Variants in DLGAP2 observed in about 807,000 individuals in gnomAD.
DLGAP2 encodes the protein disks large-associated protein 2.
DLGAP2 carries 26 observed loss-of-function variants against 100.3 expected under a neutral mutation model. The observed-to-expected ratio is 0.26, with a 90% CI of 0.19 to 0.36. DLGAP2 has a LOEUF of 0.36. Among genes scored for constraint, DLGAP2 ranks in the 10% least tolerant of loss-of-function variants. DLGAP2 has a pLI of 1.00. For missense variants in DLGAP2, 1,858 were observed against 1,453.2 expected, an observed-to-expected ratio of 1.28 and a Z score of -4.53; for synonymous variants, 886 against 630.1, an observed-to-expected ratio of 1.41 and a Z score of -6.08.
intron 3 of DLGAP2, among the ~76,000 whole-genome samples, chr8:1,371,571 T>G (rs530995499): frequency 3.1e-4 from 47 of 152,246 alleles, no homozygotes; most frequent in Non-Finnish European, 5.6e-4. Flanking sequence ...ATCCTCTCAC[T>G]TCCCGTGACT....
At chr8:1,314,468 A>G (rs1340465599) in intron 3 of DLGAP2, among the ~76,000 whole-genome samples, 3 of 152,242 alleles carry the variant, frequency 2.0e-5, no homozygotes, top group Non-Finnish European at 4.4e-5. Flanking sequence ...CTGTGCTGTA[A>G]CAAAAGCATT....
rs77433980 is a variant in DLGAP2 at position 1,626,154 on chromosome 8, G to A, written c.1443-586G>A. Among the ~76,000 whole-genome samples the A allele has an allele frequency of 1.1e-3, 145 of 134,500 alleles. 2 individuals carry two copies. The highest frequency in any genetic ancestry group is 1.7e-3 in the South Asian group (7 of 4,008). 88.2% of individuals were successfully genotyped at this position (134,500 alleles called of 152,430 possible). A position where few individuals can be genotyped will look rare whatever the true frequency, so the allele number is the denominator to read the frequency against. ...CCTGTGGCGGGTGCTCAGCCTCTGG[G>A]TGTGGGTTGGACGGCTGTTCCCATC... On this transcript the variant is annotated intron_variant, in intron 6 of 14. Transcript: ENST00000637795.
chr8:1,202,032 C>CA (rs2116761002), intron 2 of DLGAP2, among the ~76,000 whole-genome samples: 2 of 146,482 alleles, frequency 1.4e-5, no homozygotes, highest in East Asian at 4.2e-4. Context: ...TACATGTGTG[C>CA]ACATGTGCAG....
intron 8 of DLGAP2, among the ~76,000 whole-genome samples, chr8:1,638,412 T>G (rs2130789198): frequency 6.6e-6 from 1 of 152,080 alleles, no homozygotes; most frequent in African/African-American, 2.4e-5. Context: ...GAGGCCTCAG[T>G]TTTCCCAGCG....
chr8:1,449,616 A>G (rs992062366), intron 3 of DLGAP2, among the ~76,000 whole-genome samples: 5 of 152,162 alleles, frequency 3.3e-5, no homozygotes, highest in Admixed American at 1.3e-4. Context: ...TGCATTCTGA[A>G]CGGGCAATGC....
intron 3 of DLGAP2, among the ~76,000 whole-genome samples, chr8:1,334,227 G>C (rs1002877669): frequency 3.9e-5 from 6 of 152,174 alleles, no homozygotes; most frequent in Non-Finnish European, 7.3e-5. Context: ...ACAGCTTTTG[G>C]CTGCACACCT....
chr8:1,020,744 A>G (rs1378276488), intron 2 of DLGAP2, among the ~76,000 whole-genome samples: 5 of 152,226 alleles, frequency 3.3e-5, no homozygotes, highest in Admixed American at 1.3e-4. Context: ...GTGTGTCAGG[A>G]GAATACGCAC....
intron 1 of DLGAP2, among the ~76,000 whole-genome samples, chr8:900,542 G>GTTAAAAA (rs1204467445): frequency 5.3e-5 from 8 of 152,188 alleles, no homozygotes; most frequent in African/African-American, 1.9e-4. Flanking sequence ...CAGTGTGTGG[G>GTTAAAAA]GAATAGTTTT....
chr8:794,863 G>A, intron 1 of DLGAP2, among the ~76,000 whole-genome samples: 1 of 152,274 alleles, frequency 6.6e-6, no homozygotes, highest in Non-Finnish European at 1.5e-5. Context: ...TTGCTGGCCT[G>A]TGGGTGGCGG....
intron 2 of DLGAP2, among the ~76,000 whole-genome samples, chr8:1,182,024 G>C (rs1178924569): frequency 6.6e-6 from 1 of 152,236 alleles, no homozygotes; most frequent in Non-Finnish European, 1.5e-5. Flanking sequence ...GCTGACGTGG[G>C]AGGTTGCAGC....
intron 2 of DLGAP2, among the ~76,000 whole-genome samples, chr8:1,140,973 ACT>A (rs1402156006): frequency 5.9e-5 from 9 of 152,080 alleles, no homozygotes; most frequent in Non-Finnish European, 1.5e-5. Flanking sequence ...ACAGGGCAAG[ACT>A]CTGTCTCAAA....
At chr8:1,679,717 CA>C (rs1798898134) in intron 12 of DLGAP2, among the ~76,000 whole-genome samples, 1 of 152,212 alleles carries the variant, frequency 6.6e-6, no homozygotes, top group African/African-American at 2.4e-5. Flanking sequence ...CACGGTGGCT[CA>C]CGCCTGTAAT....
At chr8:1,266,510 C>G (rs1351506643) in intron 3 of DLGAP2, among the ~76,000 whole-genome samples, 5 of 152,150 alleles carry the variant, frequency 3.3e-5, no homozygotes, top group Admixed American at 3.3e-4. Context: ...TAAGTCAGAT[C>G]ATATTATTTG....
chr8:1,549,643 A>G lies in DLGAP2; in HGVS notation c.1190A>G (p.Gln397Arg), dbSNP rs1232805983. 6.3e-7 allele frequency: 1 copy of G among 1,578,904 alleles called. No homozygotes were observed. The highest frequency in any genetic ancestry group is 8.6e-7 in the Non-Finnish European group (1 of 1,163,496). Residue 397 changes from glutamine (Q) to arginine (R), a missense_variant, in exon 5 of 15, where the codon CAG (glutamine) becomes CGG (arginine). Physicochemically the swap from Gln to Arg is conservative, Grantham distance 43. Coordinates refer to ENST00000637795, the MANE Select transcript of DLGAP2 (RefSeq NM_001346810.2). ...SLNLDKPLLH[Q>R]DAKPALRPCH... ...AACCTGGACAAGCCGCTGCTGCACCAGGACGCCAAGCCCGCCCTGAGGCCG... is the reference window on the plus strand; with the variant it reads ...AACCTGGACAAGCCGCTGCTGCACCGGGACGCCAAGCCCGCCCTGAGGCCG...
At chr8:1,281,270 C>T (rs898431094) in intron 3 of DLGAP2, among the ~76,000 whole-genome samples, 8 of 152,318 alleles carry the variant, frequency 5.3e-5, no homozygotes, top group South Asian at 4.1e-4. Flanking sequence ...TTTTGAGCCA[C>T]GTGCCACATT....
At chr8:1,073,222 C>T (rs536589528) in intron 2 of DLGAP2, among the ~76,000 whole-genome samples, 1 of 152,298 alleles carries the variant, frequency 6.6e-6, no homozygotes, top group South Asian at 2.1e-4. Context: ...TCTTTCTCTT[C>T]TGCTATTGGA....
intron 3 of DLGAP2, among the ~76,000 whole-genome samples, chr8:1,447,039 G>C (rs1040442851): frequency 2.0e-4 from 31 of 152,176 alleles, no homozygotes; most frequent in African/African-American, 7.2e-4. Flanking sequence ...CGTCTGCAAA[G>C]AGGGACAATT....
At chr8:1,146,047 A>G (rs1019179016) in intron 2 of DLGAP2, among the ~76,000 whole-genome samples, 2 of 152,022 alleles carry the variant, frequency 1.3e-5, no homozygotes, top group Admixed American at 1.3e-4. Flanking sequence ...GTGGCAGAGC[A>G]TGCCTGTCCC....
chr8:747,166 T>G (rs1291650804), intron 1 of DLGAP2, among the ~76,000 whole-genome samples: 4 of 151,962 alleles, frequency 2.6e-5, no homozygotes, highest in Non-Finnish European at 4.4e-5. Flanking sequence ...TGTGAGGGGC[T>G]GCCGGGCACT....
Sources: allele counts gnomAD v4.1 joint callset (sites outside exome capture counted in the v4.1 genomes callset), GRCh38; gene constraint gnomAD v4.1.1; transcripts MANE v1.5; gene names NCBI Gene and HGNC (gene_info 2026-07-23, HGNC 2026-07-21).